PDGFD: variants seen among roughly 807,000 people sequenced by gnomAD.
PDGFD encodes the protein platelet derived growth factor D.
In PDGFD, 30 loss-of-function variants were observed where a neutral mutation model predicts 44.7. The observed-to-expected ratio is 0.67, with a 90% CI of 0.50 to 0.91. The LOEUF (loss-of-function observed/expected upper bound fraction) is 0.91, where lower values mean the gene tolerates loss of function less well. Ranked by LOEUF, PDGFD falls within the 40% of genes least tolerant of loss-of-function variation. The pLI, the probability that PDGFD is intolerant of heterozygous loss-of-function variation, is 0.00. For synonymous variants in PDGFD, 173 were observed against 168.4 expected, an observed-to-expected ratio of 1.03 and a Z score of -0.21; for missense variants, 445 against 457.8, an observed-to-expected ratio of 0.97 and a Z score of 0.25.
At chr11:104,134,997 GA>G (rs1861981640) in intron 1 of PDGFD, among the ~76,000 whole-genome samples, 1 of 152,178 alleles carries the variant, frequency 6.6e-6, no homozygotes, top group Non-Finnish European at 1.5e-5. Flanking sequence ...CCAGTGCCCT[GA>G]GGCCAGTGGG....
At chr11:104,120,868 A>G (rs1861769790) in intron 1 of PDGFD, among the ~76,000 whole-genome samples, 1 of 151,924 alleles carries the variant, frequency 6.6e-6, no homozygotes, top group Non-Finnish European at 1.5e-5. Context: ...CCCTACTCCC[A>G]AAGTAGATCA....
chr11:104,057,122 G>A (rs1332431873), intron 1 of PDGFD, among the ~76,000 whole-genome samples: 28 of 152,034 alleles, frequency 1.8e-4, no homozygotes, highest in Admixed American at 1.8e-3. Flanking sequence ...GCAAGACTTC[G>A]TCCCCTCCCC....
chr11:104,085,228 C>G (rs1346006874), intron 1 of PDGFD, among the ~76,000 whole-genome samples: 1 of 152,038 alleles, frequency 6.6e-6, no homozygotes, highest in Admixed American at 6.6e-5. Flanking sequence ...AATAGCCATA[C>G]CTTTCATCCA....
chr11:103,993,908 T>A (rs1859495812), intron 3 of PDGFD, among the ~76,000 whole-genome samples: 1 of 151,968 alleles, frequency 6.6e-6, no homozygotes, highest in Admixed American at 6.6e-5. Flanking sequence ...TACACAAGAA[T>A]GTTGTAATAT....
chr11:104,067,969 GA>G (rs1860816333), intron 1 of PDGFD, among the ~76,000 whole-genome samples: 2 of 152,126 alleles, frequency 1.3e-5, no homozygotes. Flanking sequence ...TTATATATGT[GA>G]AATTGCAGCG....
intron 5 of PDGFD, among the ~76,000 whole-genome samples, chr11:103,940,141 CACTT>C (rs1411016444): frequency 1.3e-5 from 2 of 152,040 alleles, no homozygotes; most frequent in Non-Finnish European, 2.9e-5. Context: ...ACAAAAAGCT[CACTT>C]ACCACCTCAC....
At chr11:103,938,563 A>T (rs1334415889) in intron 5 of PDGFD, among the ~76,000 whole-genome samples, 1 of 151,934 alleles carries the variant, frequency 6.6e-6, no homozygotes, top group Non-Finnish European at 1.5e-5. Flanking sequence ...GTTTAATTAG[A>T]TCCCATTTGT....
chr11:104,146,557 T>C (rs1862165062), intron 1 of PDGFD, among the ~76,000 whole-genome samples: 1 of 152,178 alleles, frequency 6.6e-6, no homozygotes, highest in African/African-American at 2.4e-5. Context: ...AGTCTAACAC[T>C]TGTATGATGT....
intron 6 of PDGFD, among the ~76,000 whole-genome samples, chr11:103,925,966 T>A (rs1858308319): frequency 6.6e-6 from 1 of 151,972 alleles, no homozygotes. Context: ...TGACCTCAGG[T>A]GATCCACCCA....
intron 1 of PDGFD, among the ~76,000 whole-genome samples, chr11:104,088,126 G>T (rs1246510465): frequency 6.6e-6 from 1 of 152,148 alleles, no homozygotes; most frequent in Non-Finnish European, 1.5e-5. Flanking sequence ...ATACACAAAT[G>T]ACTATAGTGA....
chr11:104,068,661 A>G (rs1383419558), intron 1 of PDGFD, among the ~76,000 whole-genome samples: 1 of 152,236 alleles, frequency 6.6e-6, no homozygotes, highest in African/African-American at 2.4e-5. Context: ...TTAATGAGCA[A>G]TGAGAAAATA....
chr11:104,102,276 C>A (rs1861397036), intron 1 of PDGFD, among the ~76,000 whole-genome samples: 1 of 152,152 alleles, frequency 6.6e-6, no homozygotes, highest in African/African-American at 2.4e-5. Context: ...AGGATATGAA[C>A]AGACACTTCT....
intron 3 of PDGFD, among the ~76,000 whole-genome samples, chr11:103,985,142 A>AATATATTAATTTATTTAATATATT (rs1565302945): frequency 9.4e-6 from 1 of 105,830 alleles, no homozygotes; most frequent in Non-Finnish European, 2.0e-5. Context: ...TTTAATATAT[A>AATATATTAATTTATTTAATATATT]ATATATTAAT....
intron 1 of PDGFD, among the ~76,000 whole-genome samples, chr11:104,055,672 T>G (rs1208673771): frequency 6.6e-6 from 1 of 152,220 alleles, no homozygotes; most frequent in African/African-American, 2.4e-5. Context: ...TGGAGATACC[T>G]TCCCAGAATT....
chr11:103,996,244 A>G lies in PDGFD; in HGVS notation c.331T>C (p.Tyr111His), dbSNP rs1274879740. 5.6e-6 allele frequency: 9 copies of G among 1,606,474 alleles called. No homozygotes were observed. In the East Asian group the frequency reaches 1.8e-4, roughly 32 times the overall value. Residue 111 changes from tyrosine (Y) to histidine (H), a missense_variant and splice_region_variant, in exon 3 of 7, where the codon TAT (tyrosine) becomes CAT (histidine). Transcript: ENST00000393158. ...LEEAENDICR[Y>H]DFVEVEDISE... is the part of the protein sequence containing the mutation. ...ATATCTTCAACTTCCACAAAATCATACCTAGAATCAATTGGACATAATGAA... is the reference window on the plus strand; with the variant it reads ...ATATCTTCAACTTCCACAAAATCATGCCTAGAATCAATTGGACATAATGAA...
rs1198529368 is a variant in PDGFD at position 103,925,716 on chromosome 11, C to CACACACATATAT, written c.987+1195_987+1196insATATATGTGTGT. Among the ~76,000 whole-genome samples the CACACACATATAT allele has an allele frequency of 3.1e-3, 375 of 122,756 alleles. 1 individual carries two copies. Among genetic ancestry groups the CACACACATATAT allele is most frequent in the East Asian group, 0.023 (90 of 3,882 alleles). The allele number at this position is 122,756 out of a possible 152,430, so 80.5% of individuals were successfully genotyped here. A position where few individuals can be genotyped will look rare whatever the true frequency, so the allele number is the denominator to read the frequency against. On this transcript the variant is annotated intron_variant, in intron 6 of 6. Coordinates refer to ENST00000393158, the MANE Select transcript of PDGFD (RefSeq NM_025208.5). The stretch of plus-strand genomic sequence containing the variant: ...ATATATATACACAGACACACACACA[C>CACACACATATAT]ATATATATATATATATATATGTAAT...
rs1333395128 is a variant in PDGFD at position 103,943,583 on chromosome 11, A to AT, written c.640dup (p.Ile214AsnfsTer5). 2.5e-6 allele frequency: 4 copies of AT among 1,613,178 alleles called. No homozygotes were observed. Among genetic ancestry groups the AT allele is most frequent in the Middle Eastern group, 1.7e-4 (1 of 6,054 alleles). ...ATCTTCCACTGTATCAAATTCTGCAATTTTTTTGTCCAGAGCATCCGCAAT... is the reference window on the plus strand; with the variant it reads ...ATCTTCCACTGTATCAAATTCTGCAATTTTTTTTGTCCAGAGCATCCGCAAT... On this transcript the variant is annotated frameshift_variant, in exon 5 of 7. Transcript: ENST00000393158. LOFTEE classifies it high-confidence loss of function.
intron 1 of PDGFD, among the ~76,000 whole-genome samples, chr11:104,163,236 T>C (rs1018128836): frequency 3.3e-5 from 5 of 152,122 alleles, no homozygotes; most frequent in Non-Finnish European, 5.9e-5. Context: ...GGAAAGTCAC[T>C]TAGGGGACCT....
intron 3 of PDGFD, among the ~76,000 whole-genome samples, chr11:103,948,916 C>G (rs61904870): frequency 9.0e-3 from 1,334 of 148,848 alleles, no homozygotes; most frequent in Non-Finnish European, 0.014. Flanking sequence ...ATAGGTGCAA[C>G]AAACCACCAT....
Sources: allele counts gnomAD v4.1 joint callset (sites outside exome capture counted in the v4.1 genomes callset), GRCh38; gene constraint gnomAD v4.1.1; transcripts MANE v1.5; gene names NCBI Gene and HGNC (gene_info 2026-07-23, HGNC 2026-07-21).